RSF1: variants seen among roughly 807,000 people sequenced by gnomAD.
The protein encoded by RSF1 is remodeling and spacing factor 1.
Under a neutral mutation model 145.2 loss-of-function variants are expected in RSF1, and 13 were observed. The ratio of observed to expected loss-of-function variants is 0.09; its 90% CI spans 0.06 to 0.14. RSF1 has a LOEUF of 0.14. RSF1 is among the 10% of genes least tolerant of loss of function. The pLI, the probability that RSF1 is intolerant of heterozygous loss-of-function variation, is 1.00. For missense variants in RSF1, 1,517 were observed against 1,718.2 expected (o/e 0.88, Z 2.07); for synonymous variants, 577 against 592.6 (o/e 0.97, Z 0.38).
the RSF1 span, among the ~76,000 whole-genome samples, chr11:77,864,080 C>A: frequency 2.6e-5 from 4 of 151,760 alleles, no homozygotes; most frequent in Non-Finnish European, 4.4e-5. Context: ...GTGCCTGCTA[C>A]CACACCCAGC....
upstream of RSF1, among the ~76,000 whole-genome samples, chr11:77,822,058 CTGAA>C (rs1451442067): frequency 6.6e-5 from 10 of 152,086 alleles, no homozygotes; most frequent in Admixed American, 5.2e-4. Context: ...ATAATTTAGA[CTGAA>C]TTCCGCTATA....
the RSF1 span, among the ~76,000 whole-genome samples, chr11:77,863,911 T>C: frequency 6.6e-6 from 1 of 152,022 alleles, no homozygotes; most frequent in Non-Finnish European, 1.5e-5. Flanking sequence ...TTGCAAATAG[T>C]TTAAATCCTT....
At chr11:77,735,327 T>G (rs1346540535) in intron 4 of RSF1, among the ~76,000 whole-genome samples, 2 of 152,176 alleles carry the variant, frequency 1.3e-5, no homozygotes, top group African/African-American at 4.8e-5. Flanking sequence ...TGGTATGAAA[T>G]TTTCAGTAGA....
At chr11:77,718,847 T>C (rs564977384) in intron 5 of RSF1, among the ~76,000 whole-genome samples, 2 of 152,372 alleles carry the variant, frequency 1.3e-5, no homozygotes, top group East Asian at 3.9e-4. Context: ...AACAGACTAA[T>C]AGACTACGTT....
the RSF1 span, among the ~76,000 whole-genome samples, chr11:77,848,382 G>A: frequency 2.6e-5 from 4 of 151,316 alleles, no homozygotes; most frequent in South Asian, 2.1e-4. Flanking sequence ...TTTTTGAGAC[G>A]GAGTCTTGCT....
intron 15 of RSF1, among the ~76,000 whole-genome samples, chr11:77,671,372 A>C (rs1220366199): frequency 6.6e-6 from 1 of 151,266 alleles, no homozygotes; most frequent in Non-Finnish European, 1.5e-5. Context: ...TGAAAGAGAC[A>C]GTAGGCACTT....
intron 2 of RSF1, among the ~76,000 whole-genome samples, chr11:77,751,269 G>A (rs1489619812): frequency 6.6e-6 from 1 of 151,966 alleles, no homozygotes; most frequent in African/African-American, 2.4e-5. Flanking sequence ...AATTCTTTTG[G>A]ATAACTCATA....
chr11:77,833,010 T>TA, the RSF1 span, among the ~76,000 whole-genome samples: 8,410 of 32,574 alleles, frequency 0.26, 1,526 homozygotes, highest in Non-Finnish European at 0.31. Flanking sequence ...TATATATATA[T>TA]TTTTTTTTTT....
intron 1 of RSF1, chr11:77,813,358 C>G: frequency 1.0e-6 from 1 of 962,170 alleles, no homozygotes; most frequent in Non-Finnish European, 1.7e-6. Flanking sequence ...CAACTCCCGG[C>G]TCAAACTGAT....
At chr11:77,842,651 A>C in the RSF1 span, 26 of 1,612,214 alleles carry the variant, frequency 1.6e-5, no homozygotes, top group Middle Eastern at 1.6e-4. Flanking sequence ...TCTTTGGTTG[A>C]TACTACATGA....
chr11:77,667,149 A>G lies in RSF1; in HGVS notation c.4094T>C (p.Leu1365Ser). The G allele has an allele frequency of 6.2e-7, 1 of 1,614,198 alleles. No homozygotes were observed. Residue 1365 changes from leucine (L) to serine (S), a missense_variant, in exon 16 of 16, where the codon TTA becomes TCA. Physicochemically the swap from Leu to Ser is moderately radical, Grantham distance 145. Around this residue, in one of 12 missense-constraint regions of RSF1, gnomAD observed 240 missense variants for 231.8 expected, o/e 1.04. Coordinates refer to ENST00000308488, the MANE Select transcript of RSF1 (RefSeq NM_016578.4). ...GKVGSPLDYS[L>S]VDLPSTNGQS... The stretch of plus-strand genomic sequence containing the variant: ...TCCATTGGTTGAAGGTAAGTCCACT[A>G]AGCTATAGTCCAATGGGCTCCCCAC...
At chr11:77,803,650 G>A (rs1948648500) in intron 1 of RSF1, among the ~76,000 whole-genome samples, 2 of 151,684 alleles carry the variant, frequency 1.3e-5, no homozygotes, top group African/African-American at 4.8e-5. Flanking sequence ...ATGGTGGTGC[G>A]CACCTGTAAT....
chr11:77,746,403 A>G (rs528754220), intron 3 of RSF1, among the ~76,000 whole-genome samples: 62 of 152,344 alleles, frequency 4.1e-4, no homozygotes, highest in African/African-American at 1.4e-3. Context: ...ATTATATTTT[A>G]AGGTTCATCA....
chr11:77,863,056 C>T, the RSF1 span, among the ~76,000 whole-genome samples: 1 of 152,048 alleles, frequency 6.6e-6, no homozygotes, highest in Non-Finnish European at 1.5e-5. Context: ...TGGCAAGCCT[C>T]GTGTTCTCTG....
At chr11:77,838,176 G>A in the RSF1 span, among the ~76,000 whole-genome samples, 1 of 152,068 alleles carries the variant, frequency 6.6e-6, no homozygotes, top group Non-Finnish European at 1.5e-5. Context: ...ATTAAATATG[G>A]TTAAGGAGAC....
chr11:77,856,148 AC>A, the RSF1 span, among the ~76,000 whole-genome samples: 3 of 152,092 alleles, frequency 2.0e-5, no homozygotes, highest in African/African-American at 7.2e-5. Flanking sequence ...TCCACCAGAT[AC>A]CCTAAATCAT....
Position 77,675,199 on chromosome 11 carries a change from C to T in RSF1, c.3399G>A (p.Pro1133=), listed in dbSNP as rs920477732. ...DENPDESEED[P]PSNDDSDTDF... is the part of the protein sequence containing the mutation. ...CAGTGTCACTGTCATCATTAGATGG[C>T]GGATCTTCTTCACTTTCATCTGGGT... The change falls in exon 14 of 16, where the codon CCG becomes CCA. Residue 1133 remains proline, a synonymous_variant. Transcript: ENST00000308488. 1.1e-5 allele frequency: 18 copies of T among 1,613,834 alleles called. No homozygotes were observed. Among genetic ancestry groups the T allele is most frequent in the African/African-American group, 8.0e-5 (6 of 74,872 alleles).
the RSF1 span, among the ~76,000 whole-genome samples, chr11:77,868,347 G>GC: frequency 8.1e-6 from 1 of 122,946 alleles, no homozygotes; most frequent in Admixed American, 8.6e-5. Flanking sequence ...GAGCCACCAC[G>GC]CCCAGCCGCC....
At chr11:77,668,405 T>C (rs1026542352) in intron 15 of RSF1, among the ~76,000 whole-genome samples, 5 of 152,242 alleles carry the variant, frequency 3.3e-5, no homozygotes, top group African/African-American at 1.2e-4. Context: ...CAAATTAGGT[T>C]ATCATGTCAA....
Sources: allele counts gnomAD v4.1 joint callset (sites outside exome capture counted in the v4.1 genomes callset), GRCh38; gene constraint gnomAD v4.1.1; regional missense constraint gnomAD v4.1.1; transcripts MANE v1.5; gene names NCBI Gene and HGNC (gene_info 2026-07-23, HGNC 2026-07-21).